HDAC8: variants seen among roughly 807,000 people sequenced by gnomAD.
The protein encoded by HDAC8 is histone deacetylase 8.
HDAC8 carries 1 observed loss-of-function variant against 32.2 expected under a neutral mutation model. The ratio of observed to expected loss-of-function variants is 0.03; its 90% CI spans 0.01 to 0.15. The LOEUF (loss-of-function observed/expected upper bound fraction) is 0.15. Ranked by LOEUF, HDAC8 falls within the 10% of genes least tolerant of loss-of-function variation. HDAC8 has a pLI of 1.00. For synonymous variants in HDAC8, 108 were observed against 113.9 expected, an observed-to-expected ratio of 0.95 and a Z score of 0.33; for missense variants, 117 against 300.0, an observed-to-expected ratio of 0.39 and a Z score of 4.51.
intron 9 of HDAC8, among the ~76,000 whole-genome samples, chrX:72,385,718 T>C (rs2045407054): frequency 8.9e-6 from 1 of 111,747 alleles, no homozygotes; most frequent in African/African-American, 3.3e-5. Context: ...AAATGCATTA[T>C]CCCATTTAAT....
chrX:72,444,152 T>C (rs1446895712), intron 9 of HDAC8, among the ~76,000 whole-genome samples: 9 of 104,289 alleles, frequency 8.6e-5, no homozygotes, highest in African/African-American at 3.2e-4. Flanking sequence ...TTCCAATCAA[T>C]AGAAAAAGAG....
At chrX:72,490,373 A>T (rs1264258750) in intron 6 of HDAC8, among the ~76,000 whole-genome samples, 12 of 108,307 alleles carry the variant, frequency 1.1e-4, no homozygotes, top group Non-Finnish European at 1.9e-5. Flanking sequence ...ACAATGATAG[A>T]CTGGATTAAG....
chrX:72,416,408 GTTTTTTTTTTTTTTTTTTTT>G (rs549411405), intron 9 of HDAC8, among the ~76,000 whole-genome samples: 10 of 3,686 alleles, frequency 2.7e-3, no homozygotes, highest in South Asian at 0.023. Flanking sequence ...TGTCTTCTCT[GTTTTTTTTTTTTTTTTTTTT>G]TTTTTTTTTT....
intron 9 of HDAC8, among the ~76,000 whole-genome samples, chrX:72,406,894 C>T (rs1208879142): frequency 2.7e-5 from 3 of 111,328 alleles, no homozygotes; most frequent in Non-Finnish European, 5.7e-5. Context: ...GTTCCATTAT[C>T]ACACAAAGTT....
At chrX:72,485,203 C>T (rs2048631286) in intron 7 of HDAC8, among the ~76,000 whole-genome samples, 1 of 111,713 alleles carries the variant, frequency 9.0e-6, no homozygotes. Flanking sequence ...TGATGATGTT[C>T]CTTTATGCTG....
chrX:72,371,406 C>T (rs1439714307), intron 9 of HDAC8, among the ~76,000 whole-genome samples: 1 of 111,634 alleles, frequency 9.0e-6, no homozygotes, highest in African/African-American at 3.3e-5. Context: ...ATCTAGTAGA[C>T]TCGGACAGCT....
At chrX:72,559,928 C>G (rs9262672) in intron 4 of HDAC8, among the ~76,000 whole-genome samples, 2 of 108,122 alleles carry the variant, frequency 1.8e-5, no homozygotes, top group African/African-American at 3.4e-5. Context: ...CCAGCCGCCC[C>G]GTCCAGGAGG....
chrX:72,486,872 C>G (rs1216296649), intron 7 of HDAC8, among the ~76,000 whole-genome samples: 1 of 111,659 alleles, frequency 9.0e-6, no homozygotes. Flanking sequence ...TCCTTGGTAC[C>G]CTTGGAATCA....
At chrX:72,472,632 C>G (rs1377545453) in intron 7 of HDAC8, among the ~76,000 whole-genome samples, 2 of 111,461 alleles carry the variant, frequency 1.8e-5, no homozygotes, top group African/African-American at 6.5e-5. Context: ...CCTTCTGTTT[C>G]GAGATTGCTT....
chrX:72,519,282 C>A (rs1234098036), intron 4 of HDAC8, among the ~76,000 whole-genome samples: 1 of 111,992 alleles, frequency 8.9e-6, no homozygotes, highest in Admixed American at 9.4e-5. Context: ...ATGTGCAAGT[C>A]TTTGTGCAGA....
At chrX:72,544,663 C>T (rs1230766787) in intron 4 of HDAC8, among the ~76,000 whole-genome samples, 2 of 111,784 alleles carry the variant, frequency 1.8e-5, no homozygotes, top group Non-Finnish European at 3.8e-5. Context: ...TGTAATCGCT[C>T]TAATACCATC....
At chrX:72,383,596 C>T (rs1555960481) in intron 9 of HDAC8, among the ~76,000 whole-genome samples, 1 of 111,530 alleles carries the variant, frequency 9.0e-6, no homozygotes, top group Non-Finnish European at 1.9e-5. Context: ...TTTGGCCGGG[C>T]ACGGTGGCTC....
chrX:72,421,595 A>G (rs1292115946), intron 9 of HDAC8, among the ~76,000 whole-genome samples: 1 of 112,675 alleles, frequency 8.9e-6, no homozygotes, highest in Admixed American at 9.4e-5. Context: ...GTTGTCACAG[A>G]TCATATATTT....
chrX:72,442,933 CAAAG>C (rs1156984214), intron 9 of HDAC8, among the ~76,000 whole-genome samples: 1 of 108,440 alleles, frequency 9.2e-6, no homozygotes, highest in Non-Finnish European at 1.9e-5. Flanking sequence ...TCAAAAGAGA[CAAAG>C]AAGGCCATTA....
At chrX:72,453,053 T>G (rs1270697341) in intron 9 of HDAC8, among the ~76,000 whole-genome samples, 2 of 109,004 alleles carry the variant, frequency 1.8e-5, no homozygotes, top group Admixed American at 2.0e-4. Context: ...TGGATGAGAT[T>G]AAGAGCAGGT....
intron 4 of HDAC8, among the ~76,000 whole-genome samples, chrX:72,535,304 G>C (rs2050487112): frequency 9.0e-6 from 1 of 111,602 alleles, no homozygotes; most frequent in Non-Finnish European, 1.9e-5. Flanking sequence ...ATTGGTCTGA[G>C]GTGAGAGGCA....
intron 9 of HDAC8, among the ~76,000 whole-genome samples, chrX:72,376,457 G>A (rs1055075988): frequency 1.8e-5 from 2 of 111,077 alleles, no homozygotes; most frequent in East Asian, 2.8e-4. Flanking sequence ...TCACTCTGTC[G>A]CCCAGAGCTG....
chrX:72,410,717 AT>A (rs2046167823), intron 9 of HDAC8, among the ~76,000 whole-genome samples: 2 of 111,742 alleles, frequency 1.8e-5, no homozygotes, highest in Admixed American at 1.9e-4. Context: ...ATCTGTTCCT[AT>A]CTGGACTACT....
intron 10 of HDAC8, among the ~76,000 whole-genome samples, chrX:72,338,797 C>T (rs2043806423): frequency 9.6e-6 from 1 of 104,187 alleles, no homozygotes; most frequent in African/African-American, 3.5e-5. Context: ...GCCTGTAATC[C>T]CAGCACTTTG....
Sources: allele counts gnomAD v4.1 joint callset (sites outside exome capture counted in the v4.1 genomes callset), GRCh38; gene constraint gnomAD v4.1.1; transcripts MANE v1.5; gene names NCBI Gene and HGNC (gene_info 2026-07-23, HGNC 2026-07-21).